Variants in SH3BGR observed in about 807,000 individuals in gnomAD.
The protein encoded by SH3BGR is SH3 domain-binding glutamic acid-rich protein.
SH3BGR carries 29 observed loss-of-function variants against 24.5 expected under a neutral mutation model. The ratio of observed to expected loss-of-function variants is 1.18; its 90% CI spans 0.88 to 1.61. SH3BGR has a LOEUF of 1.61. Among genes scored for constraint, SH3BGR ranks in the 40% most tolerant of loss-of-function variants. The pLI, the probability that SH3BGR is intolerant of heterozygous loss-of-function variation, is 0.00. For missense variants in SH3BGR, 162 were observed against 205.8 expected, an observed-to-expected ratio of 0.79 and a Z score of 1.30; for synonymous variants, 55 against 65.7, an observed-to-expected ratio of 0.84 and a Z score of 0.79.
chr21:39,448,407 T>C (rs943240009), upstream of SH3BGR, among the ~76,000 whole-genome samples: 2 of 152,242 alleles, frequency 1.3e-5, no homozygotes, highest in African/African-American at 4.8e-5. Context: ...TCATTTATCA[T>C]GAGATCATCT....
intron 1 of SH3BGR, among the ~76,000 whole-genome samples, chr21:39,457,887 T>TG (rs2077688993): frequency 6.6e-6 from 1 of 151,940 alleles, no homozygotes; most frequent in African/African-American, 2.4e-5. Flanking sequence ...ATCGTGCCAC[T>TG]GCGCTCCAGC....
chr21:39,458,810 C>T (rs1010718606), intron 1 of SH3BGR, among the ~76,000 whole-genome samples: 4 of 151,838 alleles, frequency 2.6e-5, no homozygotes, highest in Admixed American at 6.6e-5. Flanking sequence ...CCACGCCTGG[C>T]TCATTTTTGT....
Position 39,499,904 on chromosome 21 carries a change from CAGG to C in SH3BGR, c.397_399del (p.Glu133del). ...AGATGTGGGCAACCTCCCTGAAGCC[CAGG>C]AGAAGAATGTGAGTTTTCGCTTTTT... On this transcript the variant is annotated inframe_deletion, in exon 4 of 7. Transcript: ENST00000333634. 6.2e-7 allele frequency: 1 copy of C among 1,612,182 alleles called. No homozygotes were observed. Among genetic ancestry groups the C allele is most frequent in the Non-Finnish European group, 8.5e-7 (1 of 1,178,472 alleles).
intron 2 of SH3BGR, among the ~76,000 whole-genome samples, chr21:39,463,733 A>C (rs951849179): frequency 6.6e-6 from 1 of 152,242 alleles, no homozygotes; most frequent in Non-Finnish European, 1.5e-5. Flanking sequence ...GAATAGATGC[A>C]GCAGAGGCCA....
chr21:39,451,854 A>T (rs920238732), upstream of SH3BGR: 1 of 1,582,674 alleles, frequency 6.3e-7, no homozygotes, highest in African/African-American at 1.4e-5. Flanking sequence ...CCAATCAAAT[A>T]TTTTCCTGAC....
rs187428881 is a variant in SH3BGR, at chr21:39,511,763, C to G, written c.519C>G (p.Asp173Glu). The G allele has an allele frequency of 2.5e-6, 4 of 1,612,668 alleles. No homozygotes were observed. The South Asian group carries it at 4.4e-5, about 18-fold the overall frequency. The change falls in exon 6 of 7, where the codon GAC (aspartate) becomes GAG (glutamate). Residue 173 changes from aspartate to glutamate, a missense_variant. Physicochemically the swap from Asp to Glu is conservative, Grantham distance 45. Transcript: ENST00000333634. This position sits in a 1 kb window ranked among gnomAD's most constrained non-coding sequence, Gnocchi z 4.2. ...ETAEGEEPGEDEDS is the reference protein window; with the variant it reads ...ETAEGEEPGEEEDS Reference sequence around the variant, plus strand: ...CAGAAGGAGAAGAGCCTGGAGAAGACGAAGATTCCTAGGCCTTTTCATGCT... The same window carrying G: ...CAGAAGGAGAAGAGCCTGGAGAAGAGGAAGATTCCTAGGCCTTTTCATGCT...
At chr21:39,499,463 ATCTT>A (rs2078456311) in intron 3 of SH3BGR, among the ~76,000 whole-genome samples, 1 of 151,998 alleles carries the variant, frequency 6.6e-6, no homozygotes, top group Non-Finnish European at 1.5e-5. Flanking sequence ...TACCTTATCT[ATCTT>A]CTTAATTTTT....
rs140621839 is a variant in SH3BGR at position 39,512,267 on chromosome 21, T to A, written c.*34+458T>A. 6.0e-4 allele frequency among the ~76,000 whole-genome samples: 91 copies of A among 152,214 alleles called. No individual in the cohort carries two copies. In the Middle Eastern group the frequency reaches 0.024, roughly 40 times the overall value. ...GGCAATAAATTATAACCTTAAAAAA[T>A]CACAAAGCTGGTGTTGAGTCATGAA... On this transcript the variant is annotated intron_variant, in intron 6 of 6. Coordinates refer to ENST00000333634, the MANE Select transcript of SH3BGR (RefSeq NM_007341.3).
At chr21:39,454,415 A>G (rs2077622188) in intron 1 of SH3BGR, among the ~76,000 whole-genome samples, 1 of 152,228 alleles carries the variant, frequency 6.6e-6, no homozygotes, top group African/African-American at 2.4e-5. Flanking sequence ...GCAGCTGTGT[A>G]TTACATCTCA....
At chr21:39,503,265 C>G (rs1403225247) in intron 4 of SH3BGR, among the ~76,000 whole-genome samples, 1 of 152,180 alleles carries the variant, frequency 6.6e-6, no homozygotes, top group African/African-American at 2.4e-5. Flanking sequence ...TATAGACTCA[C>G]AGGAAGTTTC....
intron 1 of SH3BGR, among the ~76,000 whole-genome samples, chr21:39,458,667 G>T (rs1197834448): frequency 3.6e-5 from 5 of 137,608 alleles, no homozygotes; most frequent in Non-Finnish European, 6.3e-5. Context: ...TTTTTTTTGA[G>T]ACAGAGTCTT....
intron 3 of SH3BGR, among the ~76,000 whole-genome samples, chr21:39,476,017 C>T (rs936637637): frequency 6.6e-6 from 1 of 152,156 alleles, no homozygotes; most frequent in Non-Finnish European, 1.5e-5. Flanking sequence ...TGGTTGGAGA[C>T]ACACACGTGG....
At chr21:39,488,272 T>G (rs188205581) in intron 3 of SH3BGR, 45 of 167,882 alleles carry the variant, frequency 2.7e-4, no homozygotes, top group Non-Finnish European at 4.5e-4. Flanking sequence ...GCAGTCATTC[T>G]TCACGGAAGG....
intron 3 of SH3BGR, among the ~76,000 whole-genome samples, chr21:39,475,595 C>A (rs1276360116): frequency 6.6e-6 from 1 of 152,108 alleles, no homozygotes; most frequent in Admixed American, 6.6e-5. Context: ...GAGTTAATTT[C>A]ATAATGATAT....
intron 1 of SH3BGR, among the ~76,000 whole-genome samples, chr21:39,456,800 G>A (rs1410086705): frequency 1.3e-5 from 2 of 152,154 alleles, no homozygotes; most frequent in South Asian, 2.1e-4. Flanking sequence ...TTATTTGTCC[G>A]TGCTTGCCCC....
rs565379288 is a variant in SH3BGR, at chr21:39,495,202, G to A, written c.313-4621G>A. Among the ~76,000 whole-genome samples the A allele has an allele frequency of 2.6e-5, 4 of 152,118 alleles. No individual in the cohort carries two copies. In the South Asian group the frequency reaches 8.3e-4, roughly 32 times the overall value. ...GTCTTTTCTGTGTTGGTCTTCATTG[G>A]TTGTTTTTTTCTCTTGAGAATGAGT... On this transcript the variant is annotated intron_variant, in intron 3 of 6. Transcript: ENST00000333634.
intron 3 of SH3BGR, among the ~76,000 whole-genome samples, chr21:39,486,906 C>T (rs1002027488): frequency 2.6e-5 from 4 of 151,860 alleles, no homozygotes; most frequent in East Asian, 1.9e-4. Flanking sequence ...TTAGTAGAGA[C>T]GGGGTTTCAG....
chr21:39,467,071 A>G (rs1189579775), intron 2 of SH3BGR, among the ~76,000 whole-genome samples: 2 of 152,204 alleles, frequency 1.3e-5, no homozygotes, highest in African/African-American at 4.8e-5. Context: ...AGGGAAAATA[A>G]GATTTTAAAT....
In SH3BGR at chr21:39,505,608, A is replaced by AG. The variant is rs536653415; in HGVS notation, c.406-3390_406-3389insG. On this transcript the variant is annotated intron_variant, in intron 4 of 6. Transcript: ENST00000333634. ...GTGAAACCCCATCTCTACTAAAAATACAAAAAATTAGCTGGGTGTGGTAGC... is the reference window on the plus strand; with the variant it reads ...GTGAAACCCCATCTCTACTAAAAATAGCAAAAAATTAGCTGGGTGTGGTAGC... Among the ~76,000 whole-genome samples, 138 of 152,248 alleles carry AG rather than the reference A, an allele frequency of 9.1e-4. 1 individual carries two copies. The highest frequency in any genetic ancestry group is 3.2e-3 in the African/African-American group (132 of 41,546).
Sources: gnomAD v4.1 joint callset for allele counts (sites outside exome capture counted in the v4.1 genomes callset) on GRCh38, gnomAD v4.1.1 for gene constraint, Gnocchi (gnomAD v3.1) non-coding constraint, MANE v1.5 for transcripts, NCBI Gene and HGNC (gene_info 2026-07-23, HGNC 2026-07-21) for gene names.